The following STRBP variants were observed in gnomAD, a reference collection of about 807,000 sequenced individuals.
STRBP encodes spermatid perinuclear RNA-binding protein.
STRBP carries 13 observed loss-of-function variants against 80.1 expected under a neutral mutation model. The ratio of observed to expected loss-of-function variants is 0.16; its 90% CI spans 0.11 to 0.26. The LOEUF is 0.26. Ranked by LOEUF, STRBP falls within the 10% of genes least tolerant of loss-of-function variation. STRBP has a pLI of 1.00. For missense variants in STRBP, 485 were observed against 815.2 expected (o/e 0.59, Z 4.93); for synonymous variants, 284 against 291.2 (o/e 0.98, Z 0.25).
chr9:123,225,934 C>A (rs1461145942), intron 2 of STRBP, among the ~76,000 whole-genome samples: 1 of 152,168 alleles, frequency 6.6e-6, no homozygotes, highest in Admixed American at 6.5e-5. Context: ...ATCATACAAT[C>A]CAGCGCTCCC....
intron 2 of STRBP, among the ~76,000 whole-genome samples, chr9:123,229,274 G>A (rs2040332345): frequency 1.3e-5 from 2 of 152,144 alleles, no homozygotes; most frequent in East Asian, 1.9e-4. Context: ...ATGGATGCAC[G>A]ACTCTGTAAA....
chr9:123,129,961 A>G (rs563917689), intron 17 of STRBP, among the ~76,000 whole-genome samples: 4 of 152,354 alleles, frequency 2.6e-5, no homozygotes, highest in Admixed American at 2.0e-4. Context: ...CCAAAAAAGA[A>G]ATTAATGCTT....
At position 123,147,002 on chromosome 9, in the gene STRBP, C is replaced by G. The variant is rs755692606; in HGVS notation, c.1191G>C (p.Gln397His). ...DLMNALMRLN[Q>H]IRPGLQYKLL... ...GCTTATACTGAAGCCCAGGCCTGAT[C>G]TGATTTAGCCTCATTAGTGCATTCA... Residue 397 changes from glutamine to histidine, a missense_variant, in exon 13 of 19, where the codon CAG becomes CAC. Gln to His is a conservative substitution (Grantham distance 24). Transcript: ENST00000348403. The G allele has an allele frequency of 6.2e-7, 1 of 1,613,992 alleles. No individual in the cohort carries two copies. Among genetic ancestry groups the G allele is most frequent in the South Asian group, 1.1e-5 (1 of 91,072 alleles).
chr9:123,137,516 T>C (rs1231968227), intron 14 of STRBP, among the ~76,000 whole-genome samples: 1 of 152,140 alleles, frequency 6.6e-6, no homozygotes, highest in African/African-American at 2.4e-5. Context: ...TTCAGGTAAT[T>C]CCTGCCTCAG....
exon 4 of STRBP, chr9:123,109,695 G>A (rs1258309237): frequency 1.3e-5 from 2 of 152,230 alleles, no homozygotes; most frequent in Non-Finnish European, 2.9e-5. Flanking sequence ...TGAAGGCCAG[G>A]TATCTCTGGG....
At chr9:123,131,542 C>T (rs1431610651) in intron 17 of STRBP, among the ~76,000 whole-genome samples, 1 of 152,230 alleles carries the variant, frequency 6.6e-6, no homozygotes, top group Non-Finnish European at 1.5e-5. Context: ...TTTGAGTTAA[C>T]TCCTATTCAT....
At chr9:123,244,987 A>G (rs1403945060) in intron 1 of STRBP, among the ~76,000 whole-genome samples, 1 of 152,214 alleles carries the variant, frequency 6.6e-6, no homozygotes, top group Admixed American at 6.5e-5. Flanking sequence ...GGAACAAACT[A>G]CTGACACATG....
chr9:123,147,911 C>T (rs1264952332), intron 11 of STRBP, 41 bp from the exon 12 acceptor site: 2 of 1,536,112 alleles, frequency 1.3e-6, no homozygotes, highest in East Asian at 4.5e-5. Flanking sequence ...GTCAAAACAA[C>T]AATCCCCTTA....
chr9:123,150,843 CG>C (rs1325461464), intron 11 of STRBP, among the ~76,000 whole-genome samples: 1 of 152,092 alleles, frequency 6.6e-6, no homozygotes, highest in African/African-American at 2.4e-5. Flanking sequence ...GTAAGATGAA[CG>C]GGAAATATTT....
In STRBP at chr9:123,259,068, A is replaced by T. The variant is rs548748217; in HGVS notation, c.-302+9368T>A. On this transcript the variant is annotated intron_variant, in intron 1 of 18. Transcript: ENST00000348403. Reference sequence around the variant, plus strand: ...GACTATAAGGAGGAAAGGGCAAAAAAAAAAAAAGGGGGGGGGATTACTGCA... The same window carrying T: ...GACTATAAGGAGGAAAGGGCAAAAATAAAAAAAGGGGGGGGGATTACTGCA... Among the ~76,000 whole-genome samples the T allele has an allele frequency of 3.4e-5, 5 of 146,798 alleles. No individual in the cohort carries two copies. The East Asian group carries it at 9.1e-4, about 27-fold the overall frequency.
At chr9:123,219,804 GT>G (rs1279857789) in intron 2 of STRBP, among the ~76,000 whole-genome samples, 1 of 152,174 alleles carries the variant, frequency 6.6e-6, no homozygotes, top group African/African-American at 2.4e-5. Flanking sequence ...ATTTCACAGA[GT>G]TGCTACAAAA....
chr9:123,120,174 A>G (rs2132282989), downstream of STRBP, among the ~76,000 whole-genome samples: 1 of 152,192 alleles, frequency 6.6e-6, no homozygotes, highest in Admixed American at 6.5e-5. Flanking sequence ...CCTCAGCAGT[A>G]GTTTCTTGGC....
rs1376790036 is a variant in STRBP at position 123,233,073 on chromosome 9, AT to A, written c.-165+3756del. On this transcript the variant is annotated intron_variant, in intron 2 of 18. Transcript: ENST00000348403. ...CAGTTATACATTTTTATGTATGTAA[AT>A]TTTTTCCTCCTTTTTAAAGACAGGG... Among the ~76,000 whole-genome samples the A allele has an allele frequency of 3.9e-5, 6 of 152,090 alleles. No individual in the cohort carries two copies. The South Asian group carries it at 1.2e-3, about 32-fold the overall frequency.
chr9:123,243,327 C>A (rs1033178987), intron 1 of STRBP, among the ~76,000 whole-genome samples: 2 of 146,878 alleles, frequency 1.4e-5, no homozygotes, highest in Admixed American at 1.4e-4. Flanking sequence ...TTACACAAAA[C>A]CTAATTTGAA....
intron 2 of STRBP, among the ~76,000 whole-genome samples, chr9:123,189,508 T>C (rs937634933): frequency 3.3e-5 from 5 of 151,144 alleles, no homozygotes; most frequent in African/African-American, 1.2e-4. Flanking sequence ...CATGGAATAC[T>C]ATGCAGCCAT....
At chr9:123,223,573 C>T (rs2040141441) in intron 2 of STRBP, among the ~76,000 whole-genome samples, 1 of 152,052 alleles carries the variant, frequency 6.6e-6, no homozygotes, top group Non-Finnish European at 1.5e-5. Flanking sequence ...ACCACTGTTT[C>T]AGGGAGATCT....
At chr9:123,247,494 C>T (rs1017483504) in intron 1 of STRBP, among the ~76,000 whole-genome samples, 2 of 152,116 alleles carry the variant, frequency 1.3e-5, no homozygotes, top group Non-Finnish European at 2.9e-5. Flanking sequence ...GTCTCGAACT[C>T]CAGACCTCAG....
At chr9:123,184,075 T>G (rs1329638465) in intron 3 of STRBP, 57 bp downstream of exon 3, 22 of 1,561,658 alleles carry the variant, frequency 1.4e-5, no homozygotes, top group Admixed American at 3.6e-5. Flanking sequence ...ACATTTCTAA[T>G]TTTAAATTAC....
chr9:123,144,129 C>T (rs1309993702), intron 13 of STRBP, among the ~76,000 whole-genome samples: 2 of 146,984 alleles, frequency 1.4e-5, no homozygotes. Context: ...ACCCAGGAGG[C>T]AGAGGCTGCA....
Sources: allele counts gnomAD v4.1 joint callset (sites outside exome capture counted in the v4.1 genomes callset), GRCh38; gene constraint gnomAD v4.1.1; transcripts MANE v1.5; gene names NCBI Gene and HGNC (gene_info 2026-07-23, HGNC 2026-07-21).